Variants in MAML3 observed in about 807,000 individuals in gnomAD.
MAML3 encodes the protein mastermind like transcriptional coactivator 3.
A neutral mutation model predicts 101.9 loss-of-function variants in MAML3; 27 were observed. That is an observed-to-expected ratio of 0.27 (90% CI 0.20 to 0.37). The LOEUF is 0.37. Among genes scored for constraint, MAML3 ranks in the 10% least tolerant of loss-of-function variants. The probability of loss-of-function intolerance (pLI) is 1.00; values close to 1 mark genes in which losing one functional copy is unlikely to be tolerated. For synonymous variants in MAML3, 501 were observed against 555.9 expected (o/e 0.90, Z 1.39); for missense variants, 1,316 against 1,444.9 (o/e 0.91, Z 1.45).
chr4:140,153,564 T>A lies in MAML3; in HGVS notation c.-237A>T. Reference sequence around the variant, plus strand: ...AGGGGAAGAAAAGGGGGGAACGTTATCGGAATACCATCAGACACCTATCAA... The same window carrying A: ...AGGGGAAGAAAAGGGGGGAACGTTAACGGAATACCATCAGACACCTATCAA... On this transcript the variant is annotated 5_prime_UTR_variant, in exon 1 of 5. Transcript: ENST00000509479. The A allele has an allele frequency of 2.0e-6, 1 of 505,978 alleles. No homozygotes were observed. The highest frequency in any genetic ancestry group is 3.4e-6 in the Non-Finnish European group (1 of 290,088). 31.3% of individuals were successfully genotyped at this position (505,978 alleles called of 1,614,324 possible).
intron 1 of MAML3, among the ~76,000 whole-genome samples, chr4:139,968,323 A>G (rs983199888): frequency 2.2e-4 from 33 of 151,838 alleles, no homozygotes; most frequent in African/African-American, 7.0e-4. Flanking sequence ...AAAAAAAAAA[A>G]AAAGAAAAAA....
chr4:139,864,154 A>C (rs2111169060), intron 2 of MAML3, among the ~76,000 whole-genome samples: 1 of 152,324 alleles, frequency 6.6e-6, no homozygotes, highest in South Asian at 2.1e-4. Flanking sequence ...GTAAAAGGTA[A>C]ATAGTGATGA....
At chr4:139,808,954 GTGTT>G (rs1730745524) in intron 2 of MAML3, among the ~76,000 whole-genome samples, 1 of 152,166 alleles carries the variant, frequency 6.6e-6, no homozygotes, top group African/African-American at 2.4e-5. Flanking sequence ...ATGTGTGTGT[GTGTT>G]TATGAGAGAG....
chr4:139,765,686 C>A (rs972432354), intron 2 of MAML3, among the ~76,000 whole-genome samples: 1 of 152,164 alleles, frequency 6.6e-6, no homozygotes, highest in African/African-American at 2.4e-5. Flanking sequence ...ATCTTTTCCA[C>A]CAATGAAGAA....
Position 139,910,036 on chromosome 4 carries a change from C to T in MAML3, c.469-19069G>A, listed in dbSNP as rs78132454. Reference sequence around the variant, plus strand: ...GTATTGGTGAGAGATCAACATAAAACATCATCAAGAAAGTAGGACAAAACA... The same window carrying T: ...GTATTGGTGAGAGATCAACATAAAATATCATCAAGAAAGTAGGACAAAACA... On this transcript the variant is annotated intron_variant, in intron 1 of 4. Transcript: ENST00000509479. 9.6e-3 allele frequency among the ~76,000 whole-genome samples: 1,457 copies of T among 152,028 alleles called. 21 individuals are homozygous for T. The highest frequency in any genetic ancestry group is 0.033 in the African/African-American group (1,366 of 41,482).
At position 140,093,097 on chromosome 4, in the gene MAML3, G is replaced by A. The variant is rs902548581; in HGVS notation, c.468+59763C>T. ...TTTATGCGAGCAGATTTCCAGGCAC[G>A]ATGTTGTTCACCCATCTATAACTTG... On this transcript the variant is annotated intron_variant, in intron 1 of 4. Coordinates refer to ENST00000509479, the MANE Select transcript of MAML3 (RefSeq NM_018717.5). Among the ~76,000 whole-genome samples, 51 of 152,258 alleles carry A rather than the reference G, an allele frequency of 3.3e-4. 1 individual carries two copies. Among genetic ancestry groups the A allele is most frequent in the Non-Finnish European group, 5.7e-4 (39 of 68,020 alleles).
intron 1 of MAML3, among the ~76,000 whole-genome samples, chr4:139,964,479 AT>A (rs1424971439): frequency 1.3e-5 from 2 of 152,194 alleles, no homozygotes. Flanking sequence ...GGACGGGTCA[AT>A]AAGTGCAGCA....
intron 2 of MAML3, among the ~76,000 whole-genome samples, chr4:139,831,995 A>G (rs1351463229): frequency 2.7e-5 from 4 of 149,818 alleles, no homozygotes; most frequent in Non-Finnish European, 5.9e-5. Flanking sequence ...GGGTTTCACC[A>G]TGTTAGCCAG....
chr4:140,068,545 C>G (rs562584839), intron 1 of MAML3, among the ~76,000 whole-genome samples: 9 of 152,200 alleles, frequency 5.9e-5, no homozygotes, highest in Non-Finnish European at 1.3e-4. Context: ...AAAGAGAACT[C>G]TACCAGGAGC....
chr4:140,004,707 G>A (rs1014007647), intron 1 of MAML3, among the ~76,000 whole-genome samples: 1 of 151,950 alleles, frequency 6.6e-6, no homozygotes, highest in African/African-American at 2.4e-5. Context: ...CAGCGCTCAC[G>A]GGGCTGGCGA....
At chr4:139,848,558 T>C (rs1307880836) in intron 2 of MAML3, among the ~76,000 whole-genome samples, 2 of 152,240 alleles carry the variant, frequency 1.3e-5, no homozygotes, top group African/African-American at 4.8e-5. Flanking sequence ...TTTAATTTTC[T>C]TATTTTTGCC....
chr4:139,828,163 A>G (rs1292614528), intron 2 of MAML3, among the ~76,000 whole-genome samples: 3 of 152,048 alleles, frequency 2.0e-5, no homozygotes, highest in South Asian at 4.1e-4. Context: ...TAACATTTAG[A>G]AAAAAAACAA....
chr4:140,067,319 G>A (rs1727556169), intron 1 of MAML3, among the ~76,000 whole-genome samples: 1 of 152,144 alleles, frequency 6.6e-6, no homozygotes, highest in Non-Finnish European at 1.5e-5. Context: ...CTACTGCTCA[G>A]GGATATGACT....
chr4:139,837,297 C>A (rs555353789), intron 2 of MAML3, among the ~76,000 whole-genome samples: 1 of 149,808 alleles, frequency 6.7e-6, no homozygotes, highest in Non-Finnish European at 1.5e-5. Context: ...GAGATCGAGA[C>A]CATCCTGGCT....
intron 2 of MAML3, among the ~76,000 whole-genome samples, chr4:139,822,225 TCACCACCACCACCAC>T (rs34942904): frequency 9.2e-4 from 117 of 126,676 alleles, no homozygotes; most frequent in African/African-American, 2.0e-3. Flanking sequence ...ATTATCACCA[TCACCACCACCACCAC>T]CACCACCACC....
At chr4:139,821,402 G>C (rs1446911240) in intron 2 of MAML3, among the ~76,000 whole-genome samples, 1 of 152,186 alleles carries the variant, frequency 6.6e-6, no homozygotes, top group East Asian at 1.9e-4. Flanking sequence ...ACATGTGAGG[G>C]ATCTAGGTTG....
chr4:139,853,397 T>C (rs1038433974), intron 2 of MAML3, among the ~76,000 whole-genome samples: 1 of 151,844 alleles, frequency 6.6e-6, no homozygotes, highest in African/African-American at 2.4e-5. Flanking sequence ...AAAGAGACAG[T>C]AGGGCAGGTG....
chr4:140,096,231 G>A (rs1415027511), intron 1 of MAML3, among the ~76,000 whole-genome samples: 1 of 152,198 alleles, frequency 6.6e-6, no homozygotes, highest in African/African-American at 2.4e-5. Context: ...ACTTGATGGA[G>A]TTGAAGATGA....
chr4:139,723,659 T>C (rs890392068), intron 4 of MAML3, among the ~76,000 whole-genome samples: 2 of 152,204 alleles, frequency 1.3e-5, no homozygotes, highest in African/African-American at 4.8e-5. Flanking sequence ...ATAGCTCATA[T>C]GTGTCTATGT....
Sources: gnomAD v4.1 joint callset for allele counts (sites outside exome capture counted in the v4.1 genomes callset) on GRCh38, gnomAD v4.1.1 for gene constraint, MANE v1.5 for transcripts, NCBI Gene and HGNC (gene_info 2026-07-23, HGNC 2026-07-21) for gene names.